ACOXL: variants seen among roughly 807,000 people sequenced by gnomAD.
ACOXL encodes the protein acyl-CoA oxidase like, also known as acyl-coenzyme A oxidase-like protein.
A neutral mutation model predicts 71.9 loss-of-function variants in ACOXL; 70 were observed. That is an observed-to-expected ratio of 0.97 (90% CI 0.80 to 1.19). The LOEUF is 1.19. Among genes scored for constraint, ACOXL ranks in the 50% most tolerant of loss-of-function variants. The pLI is 0.00. For missense variants in ACOXL, 703 were observed against 736.3 expected, an observed-to-expected ratio of 0.95 and a Z score of 0.52; for synonymous variants, 253 against 281.6, an observed-to-expected ratio of 0.90 and a Z score of 1.02.
intron 12 of ACOXL, among the ~76,000 whole-genome samples, chr2:110,985,644 G>A (rs867641388): frequency 3.3e-5 from 5 of 152,106 alleles, no homozygotes; most frequent in Admixed American, 1.3e-4. Context: ...AAGGAGAGGC[G>A]GCGGTGTCAC....
chr2:110,933,663 C>G (rs1294768388), intron 12 of ACOXL, 21 bp downstream of exon 12: 1 of 1,597,576 alleles, frequency 6.3e-7, no homozygotes, highest in Admixed American at 1.7e-5. Flanking sequence ...AGGCCTGCAG[C>G]CCCCGTGGGT....
Position 111,018,359 on chromosome 2 carries a change from C to T in ACOXL, c.1282-13268C>T, listed in dbSNP as rs576281225. ...AGAGCGTGCCCTGTCCTATCATCCC[C>T]AGGCAGAGAGTGGGACTGACCTTTG... is the stretch of plus-strand genomic sequence containing the variant. On this transcript the variant is annotated intron_variant, in intron 14 of 17. Transcript: ENST00000439055. Among the ~76,000 whole-genome samples, 3 of 152,290 alleles carry T rather than the reference C, an allele frequency of 2.0e-5. No individual in the cohort carries two copies. In the East Asian group the frequency reaches 5.8e-4, roughly 29 times the overall value.
intron 10 of ACOXL, among the ~76,000 whole-genome samples, chr2:110,883,191 A>G (rs1227616664): frequency 2.8e-5 from 4 of 144,064 alleles, no homozygotes; most frequent in Non-Finnish European, 6.0e-5. Flanking sequence ...CTCATTGCAA[A>G]CTCCACTTCC....
chr2:111,052,234 G>A (rs1050098669), intron 16 of ACOXL, among the ~76,000 whole-genome samples: 1 of 152,154 alleles, frequency 6.6e-6, no homozygotes, highest in African/African-American at 2.4e-5. Context: ...AGAAAGCTGG[G>A]CTTCTTCCTG....
chr2:110,737,266 T>G (rs564755168), intron 1 of ACOXL, among the ~76,000 whole-genome samples: 26 of 152,296 alleles, frequency 1.7e-4, no homozygotes, highest in Admixed American at 1.6e-3. Flanking sequence ...TACTCTCAAT[T>G]CTCTTACTTC....
At chr2:110,796,197 C>A (rs1212456948) in intron 5 of ACOXL, 1 of 152,204 alleles carries the variant, frequency 6.6e-6, no homozygotes, top group Non-Finnish European at 1.5e-5. Flanking sequence ...TTTGGTTATT[C>A]ATTCCTGTGG....
intron 10 of ACOXL, chr2:110,886,891 G>T: frequency 6.5e-7 from 1 of 1,546,266 alleles, no homozygotes; most frequent in Non-Finnish European, 8.7e-7. Flanking sequence ...CGTTTCTTAC[G>T]CTTGCTCGTG....
At chr2:111,013,239 T>C (rs2064251284) in intron 14 of ACOXL, among the ~76,000 whole-genome samples, 1 of 151,592 alleles carries the variant, frequency 6.6e-6, no homozygotes, top group African/African-American at 2.4e-5. Context: ...ACAAAAAAAA[T>C]GGGGGCCAGG....
intron 13 of ACOXL, among the ~76,000 whole-genome samples, chr2:110,991,656 G>A (rs939312407): frequency 1.1e-4 from 17 of 152,106 alleles, no homozygotes; most frequent in African/African-American, 3.4e-4. Context: ...TTGGGATGAC[G>A]TGAAATTGAG....
chr2:110,928,190 A>C (rs574239536), intron 11 of ACOXL, among the ~76,000 whole-genome samples: 1 of 152,302 alleles, frequency 6.6e-6, no homozygotes, highest in African/African-American at 2.4e-5. Context: ...GTAAGGGTAA[A>C]ATTAAGAAAA....
At chr2:110,969,951 A>G (rs2062108955) in intron 12 of ACOXL, among the ~76,000 whole-genome samples, 1 of 152,186 alleles carries the variant, frequency 6.6e-6, no homozygotes, top group Non-Finnish European at 1.5e-5. Context: ...GAATAGTTCT[A>G]TACTCTTAAA....
At chr2:110,814,919 TG>T (rs1687746700) in intron 9 of ACOXL, among the ~76,000 whole-genome samples, 1 of 152,240 alleles carries the variant, frequency 6.6e-6, no homozygotes, top group Non-Finnish European at 1.5e-5. Flanking sequence ...TAATTGCCTT[TG>T]TTTTTTTTCT....
At chr2:110,794,971 C>T (rs1311713856) in intron 5 of ACOXL, among the ~76,000 whole-genome samples, 2 of 147,410 alleles carry the variant, frequency 1.4e-5, no homozygotes, top group African/African-American at 2.5e-5. Flanking sequence ...AAAAAGAAAG[C>T]AACTGTGTAC....
intron 9 of ACOXL, among the ~76,000 whole-genome samples, chr2:110,831,005 A>G (rs1360514155): frequency 6.6e-6 from 1 of 152,242 alleles, no homozygotes; most frequent in Non-Finnish European, 1.5e-5. Context: ...AAGAACATCT[A>G]CAAAAAACCT....
intron 6 of ACOXL, 32 bp from the exon 7 acceptor site, chr2:110,798,982 G>C (rs1308251850): frequency 5.6e-6 from 9 of 1,596,744 alleles, no homozygotes; most frequent in African/African-American, 5.4e-5. Context: ...ATAGGAAGGA[G>C]AGCTTAATAA....
At chr2:111,000,196 T>C (rs2063557690) in intron 14 of ACOXL, among the ~76,000 whole-genome samples, 2 of 152,180 alleles carry the variant, frequency 1.3e-5, no homozygotes, top group Admixed American at 6.5e-5. Flanking sequence ...GTAAAAATTA[T>C]TGGAAACTGG....
intron 11 of ACOXL, among the ~76,000 whole-genome samples, chr2:110,922,394 CT>C (rs1017025957): frequency 9.9e-5 from 15 of 151,824 alleles, no homozygotes; most frequent in African/African-American, 3.6e-4. Context: ...CAGTTTTTTT[CT>C]TTTTTTTCTT....
In ACOXL at chr2:110,818,791, G is replaced by A. The variant is rs535514049; in HGVS notation, c.753+13396G>A. On this transcript the variant is annotated intron_variant, in intron 9 of 17. Coordinates refer to ENST00000439055, the MANE Select transcript of ACOXL (RefSeq NM_001142807.4). ...CCTTGAGGGGTTTTCAGTCCTATTG[G>A]AAAAGCAGAGCGTAAACCTGAAATG... is the stretch of plus-strand genomic sequence containing the variant. 7.9e-4 allele frequency among the ~76,000 whole-genome samples: 120 copies of A among 152,222 alleles called. 2 individuals are homozygous for A. In the South Asian group the frequency reaches 0.02, roughly 25 times the overall value.
At chr2:111,024,565 A>G (rs936630178) in intron 14 of ACOXL, among the ~76,000 whole-genome samples, 1 of 152,198 alleles carries the variant, frequency 6.6e-6, no homozygotes, top group East Asian at 1.9e-4. Context: ...GCGAGAGAAT[A>G]CATTTCTGTT....
Sources: gnomAD v4.1 joint callset for allele counts (sites outside exome capture counted in the v4.1 genomes callset) on GRCh38, gnomAD v4.1.1 for gene constraint, MANE v1.5 for transcripts, NCBI Gene and HGNC (gene_info 2026-07-23, HGNC 2026-07-21) for gene names.